The following KLF8 variants were observed in gnomAD, a reference collection of about 807,000 sequenced individuals.
The protein encoded by KLF8 is KLF transcription factor 8.
A neutral mutation model predicts 18.2 loss-of-function variants in KLF8; 10 were observed. The observed-to-expected ratio is 0.55, with a 90% confidence interval of 0.34 to 0.93. KLF8 has a LOEUF of 0.93. KLF8 is among the 40% of genes least tolerant of loss of function. KLF8 has a pLI of 0.02. For synonymous variants in KLF8, 109 were observed against 97.3 expected, an observed-to-expected ratio of 1.12 and a Z score of -0.71; for missense variants, 264 against 277.9, an observed-to-expected ratio of 0.95 and a Z score of 0.36.
the KLF8 span, among the ~76,000 whole-genome samples, chrX:56,139,887 G>A: frequency 6.3e-5 from 7 of 111,484 alleles, no homozygotes; most frequent in Non-Finnish European, 1.3e-4. Context: ...ATCTGACAAA[G>A]GCCTAATATC....
the KLF8 span, among the ~76,000 whole-genome samples, chrX:56,168,222 A>T: frequency 5.3e-5 from 6 of 112,464 alleles, no homozygotes; most frequent in South Asian, 1.1e-3. Context: ...TCAGTAAACA[A>T]AGTCAACAAA....
chrX:56,218,011 G>A, the KLF8 span, among the ~76,000 whole-genome samples: 3 of 110,439 alleles, frequency 2.7e-5, no homozygotes, highest in African/African-American at 3.3e-5. Context: ...TCAGAGATGC[G>A]ACTACTGAGC....
At chrX:56,063,170 T>C in the KLF8 span, among the ~76,000 whole-genome samples, 1 of 111,742 alleles carries the variant, frequency 8.9e-6, no homozygotes, top group African/African-American at 3.3e-5. Flanking sequence ...CTTCCTTCAA[T>C]TCATCAAATT....
At chrX:56,044,614 G>A in the KLF8 span, among the ~76,000 whole-genome samples, 1 of 112,914 alleles carries the variant, frequency 8.9e-6, no homozygotes, top group African/African-American at 3.2e-5. Flanking sequence ...GCTGCACTGT[G>A]GGGGACCATC....
chrX:56,257,477 T>C (rs773053044), intron 2 of KLF8, among the ~76,000 whole-genome samples: 1 of 111,738 alleles, frequency 8.9e-6, no homozygotes, highest in African/African-American at 3.3e-5. Flanking sequence ...GTAGTAAGCA[T>C]AGTATTCAAT....
At chrX:55,912,816 A>G in the KLF8 span, among the ~76,000 whole-genome samples, 1 of 111,806 alleles carries the variant, frequency 8.9e-6, no homozygotes, top group Non-Finnish European at 1.9e-5. Flanking sequence ...TCTATTGAGC[A>G]TGTTACAGAT....
At chrX:55,982,918 G>A in the KLF8 span, among the ~76,000 whole-genome samples, 1 of 111,890 alleles carries the variant, frequency 8.9e-6, no homozygotes, top group Non-Finnish European at 1.9e-5. Flanking sequence ...GAAGTAGGCA[G>A]GCAAATGCAT....
At chrX:56,056,646 T>A in the KLF8 span, among the ~76,000 whole-genome samples, 4,694 of 42,421 alleles carry the variant, frequency 0.11, 483 homozygotes, top group African/African-American at 0.31. Context: ...CTGGGGACTG[T>A]GGTGGGGTGG....
the KLF8 span, among the ~76,000 whole-genome samples, chrX:55,993,997 G>A: frequency 3.9e-5 from 4 of 102,976 alleles, no homozygotes; most frequent in Middle Eastern, 5.0e-3. Flanking sequence ...TGCAACCTCC[G>A]CCTCCCGGGT....
At chrX:55,919,070 A>G in the KLF8 span, among the ~76,000 whole-genome samples, 1 of 111,524 alleles carries the variant, frequency 9.0e-6, no homozygotes, top group Admixed American at 9.5e-5. Flanking sequence ...TCTCACCTAA[A>G]TTTAATCAAC....
chrX:56,046,851 G>A, the KLF8 span, among the ~76,000 whole-genome samples: 2 of 111,132 alleles, frequency 1.8e-5, no homozygotes, highest in Non-Finnish European at 1.9e-5. Context: ...ATGACTATGT[G>A]CTTAGGCGAT....
At chrX:56,247,419 CTTTAGACTT>C (rs1480773332) in intron 1 of KLF8, among the ~76,000 whole-genome samples, 1 of 111,732 alleles carries the variant, frequency 8.9e-6, no homozygotes, top group Non-Finnish European at 1.9e-5. Context: ...CTGTACCTTA[CTTTAGACTT>C]TTTAAACAGT....
chrX:55,975,427 T>A, the KLF8 span, among the ~76,000 whole-genome samples: 1 of 105,966 alleles, frequency 9.4e-6, no homozygotes, highest in African/African-American at 3.5e-5. Context: ...TTTCTTTATT[T>A]GATTTTAAAT....
chrX:55,961,397 G>T, the KLF8 span: 4 of 498,793 alleles, frequency 8.0e-6, no homozygotes, highest in African/African-American at 9.4e-5. Context: ...CTGGGAGTTT[G>T]TGTCTACTGG....
chrX:56,185,748 C>A, the KLF8 span, among the ~76,000 whole-genome samples: 1 of 111,683 alleles, frequency 9.0e-6, no homozygotes, highest in Non-Finnish European at 1.9e-5. Context: ...GAATTTTCAA[C>A]CCAGAATTTC....
the KLF8 span, among the ~76,000 whole-genome samples, chrX:56,139,930 A>G: frequency 8.9e-6 from 1 of 111,999 alleles, no homozygotes; most frequent in Non-Finnish European, 1.9e-5. Flanking sequence ...TTAACTGGCA[A>G]AACACTAAGA....
the KLF8 span, chrX:55,961,574 T>C: frequency 1.9e-6 from 1 of 516,918 alleles, no homozygotes; most frequent in South Asian, 2.4e-5. Context: ...TTGAAAAATG[T>C]CCAGTTATTC....
chrX:55,992,896 G>A, the KLF8 span, among the ~76,000 whole-genome samples: 1 of 111,296 alleles, frequency 9.0e-6, no homozygotes, highest in South Asian at 3.8e-4. Flanking sequence ...TTGGTTCTTA[G>A]CTTGGTCATT....
the KLF8 span, among the ~76,000 whole-genome samples, chrX:56,176,122 G>A: frequency 2.7e-5 from 3 of 111,413 alleles, no homozygotes; most frequent in Admixed American, 2.9e-4. Context: ...TTTCATATGT[G>A]ATGTGAATTT....
Sources: allele counts gnomAD v4.1 joint callset (sites outside exome capture counted in the v4.1 genomes callset), GRCh38; gene constraint gnomAD v4.1.1; transcripts MANE v1.5; gene names NCBI Gene and HGNC (gene_info 2026-07-23, HGNC 2026-07-21).